The following HS6ST3 variants were observed in gnomAD, a reference collection of about 807,000 sequenced individuals.
HS6ST3 encodes heparan-sulfate 6-O-sulfotransferase 3.
HS6ST3 carries 12 observed loss-of-function variants against 36.7 expected under a neutral mutation model. The ratio of observed to expected loss-of-function variants is 0.33; its 90% CI spans 0.21 to 0.53. HS6ST3 has a LOEUF of 0.53. Among genes scored for constraint, HS6ST3 ranks in the 20% least tolerant of loss-of-function variants. HS6ST3 has a pLI of 0.95. For synonymous variants in HS6ST3, 240 were observed against 257.5 expected, an observed-to-expected ratio of 0.93 and a Z score of 0.65; for missense variants, 584 against 640.9, an observed-to-expected ratio of 0.91 and a Z score of 0.96.
chr13:96,688,136 T>C (rs1256188334), intron 1 of HS6ST3, among the ~76,000 whole-genome samples: 3 of 150,440 alleles, frequency 2.0e-5, no homozygotes, highest in Non-Finnish European at 4.4e-5. Context: ...AGTTAATGGG[T>C]GCAGCACACC....
Position 96,476,821 on chromosome 13 carries a change from TA to T in HS6ST3, c.708-355664del, listed in dbSNP as rs2055866538. Among the ~76,000 whole-genome samples the T allele has an allele frequency of 2.6e-5, 4 of 152,276 alleles. No individual in the cohort carries two copies. The South Asian group carries it at 8.3e-4, about 32-fold the overall frequency. ...ACCAATTCCTGGGGAAAAGCTGTTA[TA>T]AAAAGCTGGTGGAGTGGAGCTGAGG... On this transcript the variant is annotated intron_variant, in intron 1 of 1. Transcript: ENST00000376705.
At chr13:96,414,455 C>T (rs1594775003) in intron 1 of HS6ST3, among the ~76,000 whole-genome samples, 1 of 152,266 alleles carries the variant, frequency 6.6e-6, no homozygotes, top group South Asian at 2.1e-4. Flanking sequence ...ATATCAACTT[C>T]AACCCAAATT....
chr13:96,327,581 A>T (rs933664009), intron 1 of HS6ST3, among the ~76,000 whole-genome samples: 1 of 151,948 alleles, frequency 6.6e-6, no homozygotes, highest in African/African-American at 2.4e-5. Flanking sequence ...TGGTTACTGT[A>T]GCCTTGTAGT....
At chr13:96,270,767 C>T (rs368386183) in intron 1 of HS6ST3, among the ~76,000 whole-genome samples, 4 of 151,896 alleles carry the variant, frequency 2.6e-5, no homozygotes, top group African/African-American at 9.7e-5. Context: ...AAAAAGGAAG[C>T]TTGAAACGAT....
intron 1 of HS6ST3, among the ~76,000 whole-genome samples, chr13:96,465,698 GGGT>G (rs1039941054): frequency 3.3e-5 from 5 of 152,128 alleles, no homozygotes; most frequent in African/African-American, 1.2e-4. Flanking sequence ...TTTTGAACCT[GGGT>G]GGTGCTTACA....
chr13:96,352,204 C>T (rs1594760387), intron 1 of HS6ST3, among the ~76,000 whole-genome samples: 1 of 152,154 alleles, frequency 6.6e-6, no homozygotes, highest in African/African-American at 2.4e-5. Flanking sequence ...AACCCAAATT[C>T]GATGACTTAA....
intron 1 of HS6ST3, among the ~76,000 whole-genome samples, chr13:96,168,738 C>A (rs1173747622): frequency 6.6e-6 from 1 of 151,396 alleles, no homozygotes; most frequent in Non-Finnish European, 1.5e-5. Flanking sequence ...GCAGAAAGCA[C>A]CTATTGATTC....
intron 1 of HS6ST3, among the ~76,000 whole-genome samples, chr13:96,535,694 T>C (rs1315272157): frequency 6.6e-6 from 1 of 151,994 alleles, no homozygotes; most frequent in Non-Finnish European, 1.5e-5. Flanking sequence ...TAATGGGGGA[T>C]GAGAGGCTGG....
In HS6ST3 at chr13:96,373,613, G is replaced by A. The variant is rs1275609490; in HGVS notation, c.707+282044G>A. ...GCATTCCCCACCAATTTGAAAATGGGACTGTTTAGATTTTTTTCATGTTGT... is the reference window on the plus strand; with the variant it reads ...GCATTCCCCACCAATTTGAAAATGGAACTGTTTAGATTTTTTTCATGTTGT... On this transcript the variant is annotated intron_variant, in intron 1 of 1. Coordinates refer to ENST00000376705, the MANE Select transcript of HS6ST3 (RefSeq NM_153456.4). Among the ~76,000 whole-genome samples, 4 of 152,114 alleles carry A rather than the reference G, an allele frequency of 2.6e-5. No homozygotes were observed. In the South Asian group the frequency reaches 6.2e-4, roughly 24 times the overall value.
chr13:96,651,615 T>TA (rs1184391659), intron 1 of HS6ST3, among the ~76,000 whole-genome samples: 1 of 152,062 alleles, frequency 6.6e-6, no homozygotes, highest in Non-Finnish European at 1.5e-5. Flanking sequence ...TAAAATTAGA[T>TA]AAAAAACTTC....
intron 1 of HS6ST3, among the ~76,000 whole-genome samples, chr13:96,218,044 A>G (rs1161373024): frequency 6.6e-6 from 1 of 152,180 alleles, no homozygotes; most frequent in African/African-American, 2.4e-5. Context: ...GAAAGACATG[A>G]AAGAGATGAT....
At chr13:96,691,878 C>T (rs1874969471) in intron 1 of HS6ST3, among the ~76,000 whole-genome samples, 1 of 152,118 alleles carries the variant, frequency 6.6e-6, no homozygotes, top group Admixed American at 6.6e-5. Context: ...AATATTCCTA[C>T]TCTACAGTAG....
intron 1 of HS6ST3, among the ~76,000 whole-genome samples, chr13:96,553,459 G>C (rs911547334): frequency 6.6e-6 from 1 of 152,186 alleles, no homozygotes; most frequent in Non-Finnish European, 1.5e-5. Context: ...GGGGCAAAAA[G>C]ATAGGGTTCC....
intron 1 of HS6ST3, among the ~76,000 whole-genome samples, chr13:96,594,007 A>G (rs1028612332): frequency 6.7e-6 from 1 of 150,302 alleles, no homozygotes; most frequent in African/African-American, 2.5e-5. Flanking sequence ...CCCAGGCTGG[A>G]GTGCAATGGC....
chr13:96,256,936 A>C (rs1211397871), intron 1 of HS6ST3, among the ~76,000 whole-genome samples: 1 of 152,090 alleles, frequency 6.6e-6, no homozygotes, highest in East Asian at 1.9e-4. Flanking sequence ...CAACCAGGGG[A>C]TATATGGTCT....
chr13:96,641,953 T>C (rs564399878), intron 1 of HS6ST3, among the ~76,000 whole-genome samples: 2 of 151,986 alleles, frequency 1.3e-5, no homozygotes, highest in African/African-American at 4.8e-5. Flanking sequence ...ATATCTTTTT[T>C]TAAATGTACC....
intron 1 of HS6ST3, among the ~76,000 whole-genome samples, chr13:96,405,467 C>A (rs1046401156): frequency 6.6e-6 from 1 of 152,050 alleles, no homozygotes; most frequent in African/African-American, 2.4e-5. Context: ...CATTTTTGTA[C>A]CTTCTGCATC....
chr13:96,666,301 G>T (rs1157338689), intron 1 of HS6ST3, among the ~76,000 whole-genome samples: 2 of 152,132 alleles, frequency 1.3e-5, no homozygotes, highest in East Asian at 3.9e-4. Flanking sequence ...GACATGGGGG[G>T]ATTATAGGGA....
intron 1 of HS6ST3, among the ~76,000 whole-genome samples, chr13:96,249,608 C>T (rs1403317489): frequency 1.3e-5 from 2 of 152,140 alleles, no homozygotes; most frequent in Non-Finnish European, 2.9e-5. Context: ...ATGACTTCGT[C>T]TCCCCAGTAT....
Sources: gnomAD v4.1 joint callset for allele counts (sites outside exome capture counted in the v4.1 genomes callset) on GRCh38, gnomAD v4.1.1 for gene constraint, MANE v1.5 for transcripts, NCBI Gene and HGNC (gene_info 2026-07-23, HGNC 2026-07-21) for gene names.